PCDHGB5: variants seen among roughly 807,000 people sequenced by gnomAD.
The protein encoded by PCDHGB5 is protocadherin gamma subfamily B, 5.
PCDHGB5 carries 48 observed loss-of-function variants against 62.9 expected under a neutral mutation model. The observed-to-expected ratio is 0.76, with a 90% CI of 0.61 to 0.97. The LOEUF (loss-of-function observed/expected upper bound fraction) is 0.97, where lower values mean the gene tolerates loss of function less well. PCDHGB5 is among the 50% of genes least tolerant of loss of function. PCDHGB5 has a pLI of 0.00. For missense variants in PCDHGB5, 1,118 were observed against 1,198.6 expected (o/e 0.93, Z 0.99); for synonymous variants, 474 against 511.2 (o/e 0.93, Z 0.98).
At chr5:141,418,894 A>G (rs200182481) in intron 1 of PCDHGB5, 2 of 1,614,004 alleles carry the variant, frequency 1.2e-6, no homozygotes, top group East Asian at 4.5e-5. Context: ...ACAACAGCCC[A>G]GAAATAATCA....
chr5:141,405,800 C>T (rs1034546914), intron 1 of PCDHGB5, among the ~76,000 whole-genome samples: 11 of 147,346 alleles, frequency 7.5e-5, no homozygotes, highest in African/African-American at 2.5e-4. Flanking sequence ...TTATAGTTAG[C>T]TTTCTCTTTA....
chr5:141,433,033 C>A, intron 1 of PCDHGB5: 2 of 1,614,164 alleles, frequency 1.2e-6, no homozygotes, highest in Non-Finnish European at 1.7e-6. Flanking sequence ...ACGAGGTTTC[C>A]CTCACCACGG....
chr5:141,432,746 G>T lies in PCDHGB5; in HGVS notation c.2397+32222G>T, dbSNP rs772043134. The T allele has an allele frequency of 6.2e-7, 1 of 1,614,098 alleles. No individual in the cohort carries two copies. Among genetic ancestry groups the T allele is most frequent in the Non-Finnish European group, 8.5e-7 (1 of 1,179,992 alleles). Reference sequence around the variant, plus strand: ...CTCCGCCACTGTCACGCTCACCGTGGCCGTGGCCGACAGCATCCCCCAAGT... The same window carrying T: ...CTCCGCCACTGTCACGCTCACCGTGTCCGTGGCCGACAGCATCCCCCAAGT... On this transcript the variant is annotated intron_variant, in intron 1 of 3. Transcript: ENST00000617380. This position sits in a 1 kb window ranked among gnomAD's most constrained non-coding sequence, Gnocchi z 6.0.
intron 1 of PCDHGB5, chr5:141,423,613 GA>G (rs1164845631): frequency 1.9e-6 from 3 of 1,610,782 alleles, no homozygotes; most frequent in Admixed American, 1.7e-5. Context: ...CTTGATAGCT[GA>G]AGACTCAGCT....
At chr5:141,464,096 C>T (rs2099075769) in intron 1 of PCDHGB5, among the ~76,000 whole-genome samples, 1 of 152,016 alleles carries the variant, frequency 6.6e-6, no homozygotes, top group African/African-American at 2.4e-5. Context: ...GAAACTCCGT[C>T]TCTACTAAAA....
In PCDHGB5 at chr5:141,476,245, G is replaced by C; in HGVS notation, c.2398-18562G>C. 3.1e-6 allele frequency: 5 copies of C among 1,614,086 alleles called. No homozygotes were observed. The highest frequency in any genetic ancestry group is 3.4e-6 in the Non-Finnish European group (4 of 1,180,026). On this transcript the variant is annotated intron_variant, in intron 1 of 3. Transcript: ENST00000617380. This position sits in a 1 kb window ranked among gnomAD's most constrained non-coding sequence, Gnocchi z 7.6. The stretch of plus-strand genomic sequence containing the variant: ...ATGAGATCCCGGAGGAAAGAGAGAA[G>C]GGTTTCGCTGTGGGCAACGTGGTCG...
At position 141,487,025 on chromosome 5, in the gene PCDHGB5, C is replaced by T. The variant is rs769789352; in HGVS notation, c.2398-7782C>T. On this transcript the variant is annotated intron_variant, in intron 1 of 3. Transcript: ENST00000617380. This position sits in a 1 kb window ranked among gnomAD's most constrained non-coding sequence, Gnocchi z 5.0. ...GCTCCTGGAGGCCCCAGATCCCAGCCTGTTTGCAGTCTCTCGATATGCTGG... is the reference window on the plus strand; with the variant it reads ...GCTCCTGGAGGCCCCAGATCCCAGCTTGTTTGCAGTCTCTCGATATGCTGG... 1.9e-6 allele frequency: 3 copies of T among 1,614,216 alleles called. No homozygotes were observed. Among genetic ancestry groups the T allele is most frequent in the Non-Finnish European group, 2.5e-6 (3 of 1,180,050 alleles).
At chr5:141,421,564 G>T (rs2096583836) in intron 1 of PCDHGB5, 2 of 1,613,864 alleles carry the variant, frequency 1.2e-6, no homozygotes, top group Admixed American at 3.3e-5. Flanking sequence ...TCTCGTGGAA[G>T]ACACCTTGAA....
At chr5:141,419,159 T>G in intron 1 of PCDHGB5, 1 of 1,613,916 alleles carries the variant, frequency 6.2e-7, no homozygotes, top group Non-Finnish European at 8.5e-7. Flanking sequence ...TCCGTTATCC[T>G]CCAGCAAAAC....
Position 141,485,330 on chromosome 5 carries a change from C to T in PCDHGB5, c.2398-9477C>T. On this transcript the variant is annotated intron_variant, in intron 1 of 3. Transcript: ENST00000617380. This position sits in a 1 kb window ranked among gnomAD's most constrained non-coding sequence, Gnocchi z 5.7. ...TGTAGGGAATGTCGCTCAAGATTTC[C>T]TGCTGGATACGGACAGTCTGTCAGC... 6.2e-7 allele frequency: 1 copy of T among 1,614,164 alleles called. No individual in the cohort carries two copies. Among genetic ancestry groups the T allele is most frequent in the East Asian group, 2.2e-5 (1 of 44,862 alleles).
At chr5:141,458,617 T>A (rs1392739721) in intron 1 of PCDHGB5, among the ~76,000 whole-genome samples, 6 of 152,170 alleles carry the variant, frequency 3.9e-5, no homozygotes, top group Non-Finnish European at 8.8e-5. Flanking sequence ...TCAGCCAGGC[T>A]GGAGTGCAGT....
chr5:141,456,098 C>A (rs1222639126), intron 1 of PCDHGB5, among the ~76,000 whole-genome samples: 1 of 151,980 alleles, frequency 6.6e-6, no homozygotes. Context: ...GGGATTTCAC[C>A]GTGTTAGCCA....
Position 141,399,682 on chromosome 5 carries a change from G to A in PCDHGB5, c.1555G>A (p.Glu519Lys), listed in dbSNP as rs778817737. 8.7e-6 allele frequency: 14 copies of A among 1,613,512 alleles called. No individual in the cohort carries two copies. The highest frequency in any genetic ancestry group is 1.2e-5 in the Non-Finnish European group (14 of 1,179,874). The change falls in exon 1 of 4, where the codon GAG (glutamate) becomes AAG (lysine). Residue 519 changes from glutamate (E) to lysine (K), a missense_variant. Glu to Lys is a moderately conservative substitution (Grantham distance 56, BLOSUM62 1). This residue lies in a region of PCDHGB5 where 1,034 missense variants were observed against 1,029.1 expected (regional missense o/e 1.00). Coordinates refer to ENST00000617380, the MANE Select transcript of PCDHGB5 (RefSeq NM_018925.3). The stretch of plus-strand genomic sequence containing the variant: ...GTTCGCGCAGCGCGCCTTTGACTAC[G>A]AGCAGCTGCGCACCTTCGAACTCAC... ...VVFAQRAFDY[E>K]QLRTFELTLQ... is the part of the protein sequence containing the mutation.
rs1231863269 is a variant in PCDHGB5 at position 141,485,594 on chromosome 5, G to A, written c.2398-9213G>A. 1.9e-6 allele frequency: 3 copies of A among 1,612,578 alleles called. No individual in the cohort carries two copies. The highest frequency in any genetic ancestry group is 2.5e-6 in the Non-Finnish European group (3 of 1,178,798). On this transcript the variant is annotated intron_variant, in intron 1 of 3. Transcript: ENST00000617380. The surrounding 1 kb of genome is among the most constrained non-coding windows in gnomAD (Gnocchi z 5.7). ...TTTTCCGCGGCAGCAGCTGGACTTGGAAATTGGGGAGGCAGCTCCTCCAGG... is the reference window on the plus strand; with the variant it reads ...TTTTCCGCGGCAGCAGCTGGACTTGAAAATTGGGGAGGCAGCTCCTCCAGG...
chr5:141,497,031 A>G (rs898409925), intron 2 of PCDHGB5, among the ~76,000 whole-genome samples: 14 of 152,184 alleles, frequency 9.2e-5, no homozygotes, highest in African/African-American at 3.4e-4. Context: ...TCGATTAAAA[A>G]TACAAAAATT....
intron 1 of PCDHGB5, among the ~76,000 whole-genome samples, chr5:141,445,924 A>G (rs1451439271): frequency 6.6e-6 from 1 of 152,184 alleles, no homozygotes; most frequent in Non-Finnish European, 1.5e-5. Flanking sequence ...GTGACAAGAT[A>G]TTTGAATTAT....
In PCDHGB5 at chr5:141,432,612, C is replaced by T. The variant is rs752901891; in HGVS notation, c.2397+32088C>T. 1.9e-6 allele frequency: 3 copies of T among 1,613,912 alleles called. No individual in the cohort carries two copies. The highest frequency in any genetic ancestry group is 2.5e-6 in the Non-Finnish European group (3 of 1,179,970). On this transcript the variant is annotated intron_variant, in intron 1 of 3. Transcript: ENST00000617380. The surrounding 1 kb of genome is among the most constrained non-coding windows in gnomAD (Gnocchi z 6.0). ...AAGGCCAGCGAGCCGGGACTCTTCT[C>T]GGTGGGTCTGCACACGGGCGAGGTG...
chr5:141,478,652 G>A (rs188883724), intron 1 of PCDHGB5: 2 of 1,551,970 alleles, frequency 1.3e-6, no homozygotes, highest in East Asian at 2.4e-5. Flanking sequence ...TGTTTTCCTG[G>A]TGATGCATTC....
intron 1 of PCDHGB5, chr5:141,408,821 T>C (rs774934223): frequency 1.4e-5 from 23 of 1,613,250 alleles, no homozygotes; most frequent in African/African-American, 2.7e-5. Flanking sequence ...AGAACAGAGA[T>C]CTCATAGCTT....
Sources: gnomAD v4.1 joint callset for allele counts (sites outside exome capture counted in the v4.1 genomes callset) on GRCh38, gnomAD v4.1.1 for gene constraint, gnomAD v4.1.1 regional missense constraint, Gnocchi (gnomAD v3.1) non-coding constraint, MANE v1.5 for transcripts, NCBI Gene and HGNC (gene_info 2026-07-23, HGNC 2026-07-21) for gene names.